VAV3: variants seen among roughly 807,000 people sequenced by gnomAD.
VAV3 encodes the protein guanine nucleotide exchange factor VAV3.
A neutral mutation model predicts 131.2 loss-of-function variants in VAV3; 94 were observed. That is an observed-to-expected ratio of 0.72 (90% CI 0.61 to 0.85). The LOEUF (loss-of-function observed/expected upper bound fraction) is 0.85, where lower values mean the gene tolerates loss of function less well. VAV3 is among the 40% of genes least tolerant of loss of function. The pLI, the probability that VAV3 is intolerant of heterozygous loss-of-function variation, is 0.00. For synonymous variants in VAV3, 349 were observed against 342.0 expected (o/e 1.02, Z -0.22); for missense variants, 939 against 1,002.7 (o/e 0.94, Z 0.86).
chr1:107,647,456 A>G (rs1655818507), intron 19 of VAV3, among the ~76,000 whole-genome samples: 1 of 151,960 alleles, frequency 6.6e-6, no homozygotes, highest in African/African-American at 2.4e-5. Flanking sequence ...AAGCAAGGGA[A>G]AGTATCCTGC....
At chr1:107,823,668 C>G (rs530090645) in intron 2 of VAV3, among the ~76,000 whole-genome samples, 1 of 152,242 alleles carries the variant, frequency 6.6e-6, no homozygotes, top group East Asian at 1.9e-4. Context: ...CACAAAACTC[C>G]TATGTTGAAG....
In VAV3 at chr1:107,713,073, A is replaced by T. The variant is rs144905878; in HGVS notation, c.1503-8012T>A. Among the ~76,000 whole-genome samples, 846 of 152,300 alleles carry T rather than the reference A, an allele frequency of 5.6e-3. 4 individuals are homozygous for T. The highest frequency in any genetic ancestry group is 0.014 in the Middle Eastern group (4 of 294). On this transcript the variant is annotated intron_variant, in intron 15 of 26. Transcript: ENST00000370056. Reference sequence around the variant, plus strand: ...ATAACAATATAAAGTTTAGATAAAGACTTATACTATCTATTTGAAAAATAC... The same window carrying T: ...ATAACAATATAAAGTTTAGATAAAGTCTTATACTATCTATTTGAAAAATAC...
chr1:107,808,046 GA>G (rs1403081308), intron 2 of VAV3, among the ~76,000 whole-genome samples: 2 of 152,090 alleles, frequency 1.3e-5, no homozygotes, highest in Non-Finnish European at 2.9e-5. Context: ...ATTGATTTTG[GA>G]ATCCAAATTC....
chr1:107,636,517 A>AC (rs1654941307), intron 20 of VAV3, among the ~76,000 whole-genome samples: 1 of 152,176 alleles, frequency 6.6e-6, no homozygotes, highest in African/African-American at 2.4e-5. Context: ...ACTGAACATC[A>AC]TAGCTTAGCC....
chr1:107,767,088 G>A (rs1664774464), intron 7 of VAV3, among the ~76,000 whole-genome samples: 1 of 152,182 alleles, frequency 6.6e-6, no homozygotes, highest in Non-Finnish European at 1.5e-5. Context: ...ACACAAACAT[G>A]TAAATTTGTA....
At chr1:107,615,679 C>CA (rs1653101319) in intron 21 of VAV3, among the ~76,000 whole-genome samples, 1 of 151,352 alleles carries the variant, frequency 6.6e-6, no homozygotes, top group Non-Finnish European at 1.5e-5. Context: ...GAATGGGAGA[C>CA]AATATTTGTA....
chr1:107,766,093 G>A (rs1014997009), intron 8 of VAV3, among the ~76,000 whole-genome samples: 11 of 152,078 alleles, frequency 7.2e-5, no homozygotes, highest in African/African-American at 2.7e-4. Context: ...ATCTACCTCC[G>A]GTGTTTACAG....
chr1:107,716,965 G>C (rs1262481661), intron 15 of VAV3, among the ~76,000 whole-genome samples: 1 of 152,110 alleles, frequency 6.6e-6, no homozygotes, highest in Non-Finnish European at 1.5e-5. Flanking sequence ...GTTTAGTCTT[G>C]GGAGGGAGTA....
At chr1:107,576,236 C>T (rs756488375) in intron 25 of VAV3, among the ~76,000 whole-genome samples, 11 of 151,968 alleles carry the variant, frequency 7.2e-5, no homozygotes, top group Non-Finnish European at 1.2e-4. Flanking sequence ...TGAACGGTGA[C>T]TATGACAGAG....
chr1:107,584,181 G>T (rs1650302375), intron 25 of VAV3, among the ~76,000 whole-genome samples: 1 of 152,144 alleles, frequency 6.6e-6, no homozygotes, highest in Non-Finnish European at 1.5e-5. Flanking sequence ...TTAATAAATG[G>T]TGCTGGGAAA....
chr1:107,641,926 T>C (rs1406111124), intron 20 of VAV3, among the ~76,000 whole-genome samples: 1 of 152,160 alleles, frequency 6.6e-6, no homozygotes, highest in Non-Finnish European at 1.5e-5. Flanking sequence ...CATTAGTAAA[T>C]ATAAAAAAGG....
chr1:107,653,289 C>T (rs1656309585), intron 19 of VAV3, among the ~76,000 whole-genome samples: 1 of 151,672 alleles, frequency 6.6e-6, no homozygotes, highest in Admixed American at 6.6e-5. Flanking sequence ...CAACTATCAA[C>T]ATATCTACAG....
intron 19 of VAV3, among the ~76,000 whole-genome samples, chr1:107,675,912 A>G (rs866949224): frequency 3.3e-5 from 5 of 152,220 alleles, no homozygotes; most frequent in Non-Finnish European, 4.4e-5. Flanking sequence ...CAGTTGGAAT[A>G]AACCTTTGTT....
At chr1:107,821,769 G>C (rs2102361649) in intron 2 of VAV3, among the ~76,000 whole-genome samples, 1 of 152,338 alleles carries the variant, frequency 6.6e-6, no homozygotes, top group East Asian at 1.9e-4. Context: ...GGCAAGAGCA[G>C]GAAAGGGAGA....
At chr1:107,872,963 G>A (rs1264611943) in intron 2 of VAV3, among the ~76,000 whole-genome samples, 1 of 152,122 alleles carries the variant, frequency 6.6e-6, no homozygotes, top group Non-Finnish European at 1.5e-5. Context: ...GGTAAATTAT[G>A]AAGCTATATC....
At chr1:107,879,646 A>G (rs1406229895) in intron 1 of VAV3, among the ~76,000 whole-genome samples, 2 of 152,094 alleles carry the variant, frequency 1.3e-5, no homozygotes, top group African/African-American at 4.8e-5. Context: ...TACTGCCTTC[A>G]GAGATATTTT....
intron 20 of VAV3, among the ~76,000 whole-genome samples, chr1:107,624,291 G>T (rs977271948): frequency 2.6e-5 from 4 of 151,996 alleles, no homozygotes; most frequent in African/African-American, 9.7e-5. Flanking sequence ...GGAATCCTCT[G>T]ATCATGGGTG....
rs1306882874 is a variant in VAV3 at position 107,751,101 on chromosome 1, A to G, written c.1259+16T>C. On this transcript the variant is annotated intron_variant, in intron 13 of 26. Coordinates refer to ENST00000370056, the MANE Select transcript of VAV3 (RefSeq NM_006113.5). ...ACTAATTACTTATTTTGAAAATAGTATTCTTCTTTTCTTACCTTTCTTGTT... is the reference window on the plus strand; with the variant it reads ...ACTAATTACTTATTTTGAAAATAGTGTTCTTCTTTTCTTACCTTTCTTGTT... The G allele has an allele frequency of 6.2e-7, 1 of 1,602,956 alleles. No individual in the cohort carries two copies. The highest frequency in any genetic ancestry group is 2.2e-5 in the East Asian group (1 of 44,646).
intron 25 of VAV3, among the ~76,000 whole-genome samples, chr1:107,577,034 T>A (rs1649705929): frequency 6.6e-6 from 1 of 152,112 alleles, no homozygotes. Context: ...AGTAAATACA[T>A]CCTCCACATT....
Sources: allele counts gnomAD v4.1 joint callset (sites outside exome capture counted in the v4.1 genomes callset), GRCh38; gene constraint gnomAD v4.1.1; transcripts MANE v1.5; gene names NCBI Gene and HGNC (gene_info 2026-07-23, HGNC 2026-07-21).